The following FHIT variants were observed in gnomAD, a reference collection of about 807,000 sequenced individuals.
FHIT encodes bis(5'-adenosyl)-triphosphatase.
In FHIT, 19 loss-of-function variants were observed where a neutral mutation model predicts 17.9. The ratio of observed to expected loss-of-function variants is 1.06; its 90% CI spans 0.74 to 1.56. FHIT has a LOEUF of 1.56. Ranked by LOEUF, FHIT falls within the 40% of genes most tolerant of loss-of-function variation. The pLI is 0.00. For synonymous variants in FHIT, 81 were observed against 69.7 expected, an observed-to-expected ratio of 1.16 and a Z score of -0.81; for missense variants, 248 against 189.2, an observed-to-expected ratio of 1.31 and a Z score of -1.82.
intron 5 of FHIT, among the ~76,000 whole-genome samples, chr3:60,519,036 G>T (rs894645453): frequency 6.6e-6 from 1 of 152,094 alleles, no homozygotes; most frequent in African/African-American, 2.4e-5. Context: ...ATATTAAAAC[G>T]TCAGAAAAAT....
At chr3:60,192,142 T>C (rs1473684467) in intron 5 of FHIT, among the ~76,000 whole-genome samples, 3 of 150,634 alleles carry the variant, frequency 2.0e-5, no homozygotes, top group Non-Finnish European at 2.9e-5. Flanking sequence ...TCCCAGCTAC[T>C]CAGGAGGCGG....
chr3:60,084,043 C>T (rs1337202455), intron 5 of FHIT, among the ~76,000 whole-genome samples: 1 of 151,012 alleles, frequency 6.6e-6, no homozygotes, highest in Non-Finnish European at 1.5e-5. Context: ...GGGAAAAAAT[C>T]ACACTTTTTA....
At chr3:61,077,246 G>C (rs764145402) in intron 2 of FHIT, among the ~76,000 whole-genome samples, 4 of 152,224 alleles carry the variant, frequency 2.6e-5, no homozygotes, top group South Asian at 4.1e-4. Flanking sequence ...AATTGGACTT[G>C]GAAGAATGTA....
At chr3:60,150,279 G>C (rs1484624332) in intron 5 of FHIT, among the ~76,000 whole-genome samples, 1 of 152,138 alleles carries the variant, frequency 6.6e-6, no homozygotes, top group African/African-American at 2.4e-5. Context: ...TTACAGGCAT[G>C]AGCCACTGTG....
intron 4 of FHIT, among the ~76,000 whole-genome samples, chr3:60,814,665 G>T (rs2106733146): frequency 6.6e-6 from 1 of 152,232 alleles, no homozygotes; most frequent in African/African-American, 2.4e-5. Context: ...CTGTGACAAT[G>T]AACATGCAAG....
intron 5 of FHIT, among the ~76,000 whole-genome samples, chr3:60,352,637 G>T (rs987876125): frequency 1.3e-5 from 2 of 152,064 alleles, no homozygotes; most frequent in Non-Finnish European, 2.9e-5. Flanking sequence ...GAGTAGCTGA[G>T]ATTGCAGTTG....
intron 2 of FHIT, among the ~76,000 whole-genome samples, chr3:61,052,006 G>T (rs1217127447): frequency 1.3e-5 from 2 of 152,156 alleles, no homozygotes; most frequent in Non-Finnish European, 1.5e-5. Context: ...TTTTGTTGGA[G>T]CCTAAACATA....
chr3:60,478,873 C>T (rs978663853), intron 5 of FHIT, among the ~76,000 whole-genome samples: 6 of 152,144 alleles, frequency 3.9e-5, no homozygotes, highest in Non-Finnish European at 8.8e-5. Context: ...CACCACATAT[C>T]AAATCCAAGC....
At position 60,567,009 on chromosome 3, in the gene FHIT, A is replaced by G. The variant is rs542846982; in HGVS notation, c.-17-30030T>C. On this transcript the variant is annotated intron_variant, in intron 4 of 9. Coordinates refer to ENST00000492590, the MANE Select transcript of FHIT (RefSeq NM_002012.4). ...TCCATGCTCATGGGTAGGAAGAATC[A>G]ATATCGTGAAAATGGCCATACTGCC... Among the ~76,000 whole-genome samples, 12 of 148,938 alleles carry G rather than the reference A, an allele frequency of 8.1e-5. No homozygotes were observed. In the South Asian group the frequency reaches 9.0e-4, roughly 11 times the overall value.
chr3:60,534,282 A>C (rs2107594112), intron 5 of FHIT, among the ~76,000 whole-genome samples: 1 of 147,262 alleles, frequency 6.8e-6, no homozygotes, highest in Non-Finnish European at 1.5e-5. Context: ...AAAAAAAAAA[A>C]ATTAGCCGGG....
In FHIT at chr3:61,214,664, A is replaced by G. The variant is rs558205053; in HGVS notation, c.-212-13999T>C. ...CCTCCCTAACTCATTTTATGAGGCC[A>G]GCATCATCCTGATACCAAAGCCTGG... On this transcript the variant is annotated intron_variant, in intron 1 of 9. Coordinates refer to ENST00000492590, the MANE Select transcript of FHIT (RefSeq NM_002012.4). Among the ~76,000 whole-genome samples the G allele has an allele frequency of 8.7e-3, 1,319 of 152,272 alleles. 14 individuals carry two copies. The highest frequency in any genetic ancestry group is 0.029 in the African/African-American group (1,216 of 41,512).
intron 8 of FHIT, among the ~76,000 whole-genome samples, chr3:59,870,443 T>C (rs1702866294): frequency 6.6e-6 from 1 of 152,174 alleles, no homozygotes; most frequent in African/African-American, 2.4e-5. Context: ...CGAGTCTTAA[T>C]AGTCAAGAAA....
chr3:60,020,739 T>A (rs1265034724), intron 5 of FHIT, among the ~76,000 whole-genome samples: 1 of 152,162 alleles, frequency 6.6e-6, no homozygotes, highest in Non-Finnish European at 1.5e-5. Flanking sequence ...TAATGTCACT[T>A]CACAAAACAA....
chr3:59,989,026 G>T (rs76079759), intron 7 of FHIT, among the ~76,000 whole-genome samples: 1,614 of 152,138 alleles, frequency 0.011, 24 homozygotes, highest in African/African-American at 0.035. Context: ...GGAGCAGTTT[G>T]GGGTAGGGAT....
chr3:60,772,507 C>G (rs9880233), intron 4 of FHIT, among the ~76,000 whole-genome samples: 25,524 of 151,978 alleles, frequency 0.17, 3,286 homozygotes, highest in African/African-American at 0.37. Context: ...TTATGACAGT[C>G]GGGGAGATCT....
At chr3:60,119,538 AGGGG>A (rs1705150321) in intron 5 of FHIT, among the ~76,000 whole-genome samples, 1 of 152,164 alleles carries the variant, frequency 6.6e-6, no homozygotes, top group South Asian at 2.1e-4. Flanking sequence ...GATATATGGG[AGGGG>A]TATTGCATAT....
intron 8 of FHIT, among the ~76,000 whole-genome samples, chr3:59,883,517 T>C (rs1306573815): frequency 1.3e-5 from 2 of 152,166 alleles, no homozygotes; most frequent in Non-Finnish European, 2.9e-5. Context: ...ACGACGAGAA[T>C]GGTATGGGGG....
intron 2 of FHIT, among the ~76,000 whole-genome samples, chr3:61,095,155 C>CATT (rs2035600499): frequency 6.6e-6 from 1 of 152,192 alleles, no homozygotes; most frequent in Non-Finnish European, 1.5e-5. Context: ...ATCAATTAAT[C>CATT]TATCCATTTA....
At chr3:60,483,249 T>A (rs1373293286) in intron 5 of FHIT, among the ~76,000 whole-genome samples, 1 of 152,046 alleles carries the variant, frequency 6.6e-6, no homozygotes, top group Admixed American at 6.5e-5. Flanking sequence ...CTACCAGAGG[T>A]ACAAAGAGGA....
Sources: allele counts gnomAD v4.1 joint callset (sites outside exome capture counted in the v4.1 genomes callset), GRCh38; gene constraint gnomAD v4.1.1; transcripts MANE v1.5; gene names NCBI Gene and HGNC (gene_info 2026-07-23, HGNC 2026-07-21).